The following MAU2 variants were observed in gnomAD, a reference collection of about 807,000 sequenced individuals.
MAU2 encodes the protein MAU2 chromatid cohesion factor homolog.
Under a neutral mutation model 89.1 loss-of-function variants are expected in MAU2, and 9 were observed. That is an observed-to-expected ratio of 0.10 (90% CI 0.06 to 0.18). The LOEUF (loss-of-function observed/expected upper bound fraction) is 0.18, where lower values mean the gene tolerates loss of function less well. MAU2 is among the 10% of genes least tolerant of loss of function. The probability of loss-of-function intolerance (pLI) is 1.00; values close to 1 mark genes in which losing one functional copy is unlikely to be tolerated. For synonymous variants in MAU2, 357 were observed against 343.4 expected (o/e 1.04, Z -0.44); for missense variants, 425 against 803.5 (o/e 0.53, Z 5.69).
intron 1 of MAU2, chr19:19,334,740 C>G (rs1028857461): frequency 2.7e-6 from 1 of 367,030 alleles, no homozygotes; most frequent in South Asian, 1.1e-4. Context: ...CCCTGGCCCT[C>G]TGCCTTTTTT....
rs1432220546 is a variant in MAU2 at position 19,342,859 on chromosome 19, G to A, written c.966G>A (p.Lys322=). 7.4e-6 allele frequency: 12 copies of A among 1,613,802 alleles called. No individual in the cohort carries two copies. The highest frequency in any genetic ancestry group is 6.7e-5 in the Admixed American group (4 of 60,012). The change falls in exon 9 of 19, where the codon AAG becomes AAA. Residue 322 remains lysine (K), a synonymous_variant. Transcript: ENST00000262815. ...YTDKALMQLE[K]LKMLDCSPIL... ...ACAAGGCCCTCATGCAGCTGGAGAA[G>A]CTCAAGAGTAAGTCAGGTGCTCGGC...
chr19:19,330,128 C>A (rs890473629), intron 1 of MAU2, among the ~76,000 whole-genome samples: 2 of 151,830 alleles, frequency 1.3e-5, no homozygotes, highest in Non-Finnish European at 2.9e-5. Context: ...GACAGGCACA[C>A]ACCACCATGC....
chr19:19,350,751 T>C (rs1161233635), intron 16 of MAU2, among the ~76,000 whole-genome samples: 1 of 151,156 alleles, frequency 6.6e-6, no homozygotes, highest in African/African-American at 2.4e-5. Context: ...ATACAAAAAA[T>C]TAGCCGGGCA....
chr19:19,330,897 A>G (rs993525723), intron 1 of MAU2, among the ~76,000 whole-genome samples: 2 of 152,202 alleles, frequency 1.3e-5, no homozygotes, highest in South Asian at 2.1e-4. Flanking sequence ...TCTAAAAACT[A>G]CAATCAAAAA....
chr19:19,336,786 C>G (rs188293866), intron 3 of MAU2, among the ~76,000 whole-genome samples: 22 of 152,326 alleles, frequency 1.4e-4, no homozygotes, highest in Admixed American at 1.4e-3. Context: ...GCCTTCCTCC[C>G]ACCTCAGAAT....
intron 3 of MAU2, 121 bp from the exon 4 acceptor site, chr19:19,337,049 C>T (rs1255999611): frequency 8.6e-6 from 6 of 700,022 alleles, no homozygotes; most frequent in Admixed American, 5.5e-5. Context: ...CCAAAAAATC[C>T]TTTGGTAAGC....
At position 19,355,994 on chromosome 19, in the gene MAU2, G is replaced by C. The variant is rs2048174082; in HGVS notation, c.*212G>C. 1.5e-6 allele frequency: 1 copy of C among 679,640 alleles called. No homozygotes were observed. The highest frequency in any genetic ancestry group is 2.7e-6 in the Non-Finnish European group (1 of 370,746). The allele number at this position is 679,640 out of a possible 1,614,324, so 42.1% of individuals were successfully genotyped here. A position where few individuals can be genotyped will look rare whatever the true frequency, so the allele number is the denominator to read the frequency against. On this transcript the variant is annotated 3_prime_UTR_variant, in exon 19 of 19. Coordinates refer to ENST00000262815, the MANE Select transcript of MAU2 (RefSeq NM_015329.4). ...GGACCCCCAGTGCAGAGGCTCACAG[G>C]TGGCACACAGGCGCTGTCTCTCCAG...
Position 19,342,681 on chromosome 19 carries a change from G to A in MAU2, c.882G>A (p.Leu294=), listed in dbSNP as rs779139351. 6.2e-7 allele frequency: 1 copy of A among 1,613,066 alleles called. No individual in the cohort carries two copies. The highest frequency in any genetic ancestry group is 8.5e-7 in the Non-Finnish European group (1 of 1,179,538). Residue 294 remains leucine, a splice_region_variant and synonymous_variant, in exon 8 of 19, where the codon CTG becomes CTA. Transcript: ENST00000262815. ...AGCACATGTGTGTGCTTGTCTACCT[G>A]GTGCGTCCCCACCAGGGCCCGGGCC... ...PKEHMCVLVY[L]VTVMHSMQAG... is the part of the protein sequence containing the mutation.
intron 6 of MAU2, 64 bp downstream of exon 6, chr19:19,340,937 AG>A: frequency 6.2e-7 from 1 of 1,602,518 alleles, no homozygotes; most frequent in East Asian, 2.2e-5. Context: ...GGGCCCCCAC[AG>A]AGTCTGCTCA....
intron 1 of MAU2, among the ~76,000 whole-genome samples, chr19:19,335,044 T>C (rs1238057292): frequency 6.6e-6 from 1 of 152,200 alleles, no homozygotes; most frequent in Non-Finnish European, 1.5e-5. Context: ...TGGCCTGGAC[T>C]AGCCTGGGAA....
At chr19:19,339,040 A>G (rs537508053) in intron 5 of MAU2, 101 bp downstream of exon 5, 25 of 857,840 alleles carry the variant, frequency 2.9e-5, no homozygotes, top group Middle Eastern at 6.4e-4. Flanking sequence ...CAGGTGAAGT[A>G]CAGTAGCTCA....
intron 1 of MAU2, among the ~76,000 whole-genome samples, chr19:19,331,271 A>G (rs2061553014): frequency 6.6e-6 from 1 of 151,962 alleles, no homozygotes; most frequent in African/African-American, 2.4e-5. Context: ...AGGCCGAGGC[A>G]GGCAGATAAC....
chr19:19,334,696 G>GCGGCAAC, intron 1 of MAU2: 4 of 719,072 alleles, frequency 5.6e-6, no homozygotes, highest in Non-Finnish European at 6.8e-6. Flanking sequence ...GTTGCCGCAT[G>GCGGCAAC]AGTGGCAGAG....
rs1327375831 is a variant in MAU2 at position 19,342,521 on chromosome 19, T to TG, written c.736-11dup. ...CCAGGCTCAGGTGGATGCTCGGGTG[T>TG]GGGTGCTGCACAGGTGAAGAGCGTG... On this transcript the variant is annotated splice_polypyrimidine_tract_variant and intron_variant, in intron 7 of 18. Coordinates refer to ENST00000262815, the MANE Select transcript of MAU2 (RefSeq NM_015329.4). The TG allele has an allele frequency of 6.5e-7, 1 of 1,549,700 alleles. No homozygotes were observed. The highest frequency in any genetic ancestry group is 1.4e-5 in the African/African-American group (1 of 73,552).
At chr19:19,334,041 C>T in intron 1 of MAU2, 1 of 323,404 alleles carries the variant, frequency 3.1e-6, no homozygotes, top group Non-Finnish European at 4.4e-6. Flanking sequence ...GGCATCCCTT[C>T]CAGTTGGTGG....
chr19:19,338,991 G>A, intron 5 of MAU2, 52 bp downstream of exon 5: 1 of 1,422,188 alleles, frequency 7.0e-7, no homozygotes, highest in Non-Finnish European at 9.7e-7. Context: ...GGAGGGGCTT[G>A]GCCATCTTGG....
At chr19:19,355,016 C>T (rs1441731691) in intron 17 of MAU2, 4 of 464,022 alleles carry the variant, frequency 8.6e-6, no homozygotes, top group Non-Finnish European at 1.6e-5. Context: ...CCATGGGCTC[C>T]CTGGAGGGCT....
In MAU2 at chr19:19,332,257, C is replaced by T. The variant is rs916787494; in HGVS notation, c.277-3461C>T. ...CTCACTGCAGCCCCAAACTCCTGGG[C>T]TCAAGTGATCCTCCCACGTCAGCCT... On this transcript the variant is annotated intron_variant, in intron 1 of 18. Coordinates refer to ENST00000262815, the MANE Select transcript of MAU2 (RefSeq NM_015329.4). Among the ~76,000 whole-genome samples, 8 of 151,256 alleles carry T rather than the reference C, an allele frequency of 5.3e-5. No individual in the cohort carries two copies. The East Asian group carries it at 1.2e-3, about 22-fold the overall frequency.
chr19:19,339,221 G>A (rs566192196), intron 5 of MAU2, among the ~76,000 whole-genome samples: 92 of 152,224 alleles, frequency 6.0e-4, no homozygotes, highest in African/African-American at 2.2e-3. Flanking sequence ...AGGCTAACGT[G>A]GGAGGATCAC....
Sources: gnomAD v4.1 joint callset for allele counts (sites outside exome capture counted in the v4.1 genomes callset) on GRCh38, gnomAD v4.1.1 for gene constraint, MANE v1.5 for transcripts, NCBI Gene and HGNC (gene_info 2026-07-23, HGNC 2026-07-21) for gene names.